The following GALK2 variants were observed in gnomAD, a reference collection of about 807,000 sequenced individuals.
GALK2 encodes the protein galactokinase 2.
A neutral mutation model predicts 52.4 loss-of-function variants in GALK2; 36 were observed. The observed-to-expected ratio is 0.69, with a 90% CI of 0.53 to 0.91. The LOEUF (loss-of-function observed/expected upper bound fraction) is 0.91. Ranked by LOEUF, GALK2 falls within the 40% of genes least tolerant of loss-of-function variation. The probability of loss-of-function intolerance (pLI) is 0.00; values close to 1 mark genes in which losing one functional copy is unlikely to be tolerated. For synonymous variants in GALK2, 176 were observed against 199.1 expected (o/e 0.88, Z 0.98); for missense variants, 579 against 559.1 (o/e 1.04, Z -0.36).
chr15:49,342,015 G>A (rs1320493193), intron 3 of GALK2, among the ~76,000 whole-genome samples: 1 of 152,170 alleles, frequency 6.6e-6, no homozygotes, highest in Non-Finnish European at 1.5e-5. Flanking sequence ...TGTGGTTGAT[G>A]GGTGAAGTAT....
At chr15:49,348,862 C>A (rs1168648932) in intron 3 of GALK2, among the ~76,000 whole-genome samples, 1 of 152,188 alleles carries the variant, frequency 6.6e-6, no homozygotes, top group Non-Finnish European at 1.5e-5. Context: ...AAGTTTTCTT[C>A]TCTTATTTGA....
At chr15:49,251,917 T>G (rs962962896) in intron 5 of GALK2, among the ~76,000 whole-genome samples, 1 of 152,228 alleles carries the variant, frequency 6.6e-6, no homozygotes, top group Non-Finnish European at 1.5e-5. Context: ...CAATGTAATA[T>G]ATACATATGT....
intron 8 of GALK2, among the ~76,000 whole-genome samples, chr15:49,300,680 T>C (rs966739621): frequency 1.3e-5 from 2 of 152,070 alleles, no homozygotes; most frequent in Non-Finnish European, 2.9e-5. Flanking sequence ...GTGAGTTCTC[T>C]TGAGAACTGA....
chr15:49,335,693 C>G (rs571072163), downstream of GALK2, among the ~76,000 whole-genome samples: 115 of 152,262 alleles, frequency 7.6e-4, no homozygotes, highest in Middle Eastern at 6.8e-3. Context: ...AAACTTGTGT[C>G]CCATTATCTC....
At chr15:49,303,506 G>A (rs1248457151) in intron 8 of GALK2, among the ~76,000 whole-genome samples, 1 of 152,192 alleles carries the variant, frequency 6.6e-6, no homozygotes, top group South Asian at 2.1e-4. Context: ...AAGTAACAAT[G>A]TGCATGAACT....
intron 8 of GALK2, among the ~76,000 whole-genome samples, chr15:49,299,778 T>TC (rs1185095273): frequency 1.7e-4 from 24 of 142,520 alleles, no homozygotes; most frequent in African/African-American, 2.9e-4. Flanking sequence ...TTTCTTTCTT[T>TC]CTTTCTTTCT....
At chr15:49,195,274 T>C in intron 1 of GALK2, 1 of 317,058 alleles carries the variant, frequency 3.2e-6, no homozygotes, top group Non-Finnish European at 6.2e-6. Flanking sequence ...TGTTTCACTA[T>C]GTTGGCAAGG....
chr15:49,261,136 G>T (rs915408779), intron 5 of GALK2, among the ~76,000 whole-genome samples: 26 of 149,700 alleles, frequency 1.7e-4, no homozygotes, highest in African/African-American at 6.2e-4. Flanking sequence ...GGATGGCATT[G>T]AATCTATAAA....
At chr15:49,284,621 C>T (rs551229403) in intron 7 of GALK2, among the ~76,000 whole-genome samples, 2 of 152,272 alleles carry the variant, frequency 1.3e-5, no homozygotes, top group Admixed American at 1.3e-4. Flanking sequence ...TATGATCAAC[C>T]TTTACCAGGT....
intron 5 of GALK2, among the ~76,000 whole-genome samples, chr15:49,253,835 A>C (rs906642659): frequency 1.4e-5 from 2 of 143,054 alleles, no homozygotes; most frequent in African/African-American, 5.0e-5. Flanking sequence ...ACCTTAAAAC[A>C]CCAAGCATCA....
intron 2 of GALK2, among the ~76,000 whole-genome samples, chr15:49,213,866 C>T (rs1309459225): frequency 6.6e-6 from 1 of 151,922 alleles, no homozygotes; most frequent in Non-Finnish European, 1.5e-5. Flanking sequence ...GCCTGTAATC[C>T]CAGCACGTTG....
chr15:49,366,835 C>CT (rs1016158565), intron 3 of GALK2: 1 of 543,112 alleles, frequency 1.8e-6, no homozygotes, highest in Non-Finnish European at 3.2e-6. Context: ...AGCCCACACT[C>CT]TAATTTAGTG....
At chr15:49,304,910 C>T (rs990356824) in intron 8 of GALK2, among the ~76,000 whole-genome samples, 4 of 152,188 alleles carry the variant, frequency 2.6e-5, no homozygotes, top group African/African-American at 9.7e-5. Context: ...TTTATCTGCA[C>T]ATGATCTGGT....
chr15:49,296,607 T>G (rs1372774304), intron 8 of GALK2, among the ~76,000 whole-genome samples: 1 of 131,558 alleles, frequency 7.6e-6, no homozygotes, highest in Non-Finnish European at 1.6e-5. Context: ...TCTTTTTCTT[T>G]TTTTTTTTTT....
Position 49,330,254 on chromosome 15 carries a change from A to G in GALK2, c.*2095A>G, listed in dbSNP as rs1471484006. On this transcript the variant is annotated 3_prime_UTR_variant, in exon 10 of 10. Coordinates refer to ENST00000560031, the MANE Select transcript of GALK2 (RefSeq NM_002044.4). ...GCTTTGCTTTGGTATGTAGTGAAGA[A>G]TAAGATTGACTACACTGGCTGGAGC... is the stretch of plus-strand genomic sequence containing the variant. The G allele has an allele frequency of 6.6e-6, 1 of 152,240 alleles. No homozygotes were observed. The highest frequency in any genetic ancestry group is 2.4e-5 in the African/African-American group (1 of 41,448). 9.4% of individuals were successfully genotyped at this position (152,240 alleles called of 1,614,324 possible). A position where few individuals can be genotyped will look rare whatever the true frequency, so the allele number is the denominator to read the frequency against.
At chr15:49,193,299 G>C (rs1337167506) in intron 1 of GALK2, among the ~76,000 whole-genome samples, 3 of 150,922 alleles carry the variant, frequency 2.0e-5, no homozygotes, top group Admixed American at 1.3e-4. Flanking sequence ...TGCCCGACCT[G>C]TTTATACCTT....
chr15:49,165,693 ATTTCT>A (rs1161604477), upstream of GALK2, among the ~76,000 whole-genome samples: 1 of 151,978 alleles, frequency 6.6e-6, no homozygotes, highest in African/African-American at 2.4e-5. Flanking sequence ...TAAATTTAAC[ATTTCT>A]TTTTATTGTT....
At chr15:49,276,017 T>C (rs1233711408) in intron 5 of GALK2, among the ~76,000 whole-genome samples, 1 of 152,226 alleles carries the variant, frequency 6.6e-6, no homozygotes, top group Non-Finnish European at 1.5e-5. Context: ...GTAAATAATG[T>C]CAGGTGTCTC....
At chr15:49,311,467 C>T (rs562729048) in intron 8 of GALK2, among the ~76,000 whole-genome samples, 1 of 152,296 alleles carries the variant, frequency 6.6e-6, no homozygotes, top group Non-Finnish European at 1.5e-5. Flanking sequence ...TTTCATGCTC[C>T]AGTAGTCAAA....
Sources: allele counts gnomAD v4.1 joint callset (sites outside exome capture counted in the v4.1 genomes callset), GRCh38; gene constraint gnomAD v4.1.1; transcripts MANE v1.5; gene names NCBI Gene and HGNC (gene_info 2026-07-23, HGNC 2026-07-21).